The following NAALADL2 variants were observed in gnomAD, a reference collection of about 807,000 sequenced individuals.
NAALADL2 encodes the protein inactive N-acetylated-alpha-linked acidic dipeptidase-like protein 2.
NAALADL2 carries 76 observed loss-of-function variants against 87.2 expected under a neutral mutation model. That is an observed-to-expected ratio of 0.87 (90% CI 0.72 to 1.05). The LOEUF is 1.05. Ranked by LOEUF, NAALADL2 falls within the 50% of genes least tolerant of loss-of-function variation. The probability of loss-of-function intolerance (pLI) is 0.00; values close to 1 mark genes in which losing one functional copy is unlikely to be tolerated. For synonymous variants in NAALADL2, 354 were observed against 331.0 expected (o/e 1.07, Z -0.75); for missense variants, 1,089 against 945.8 (o/e 1.15, Z -1.99).
At chr3:174,927,737 A>G (rs2108395340) in intron 1 of NAALADL2, among the ~76,000 whole-genome samples, 1 of 152,334 alleles carries the variant, frequency 6.6e-6, no homozygotes, top group East Asian at 1.9e-4. Context: ...ATAGCACTAA[A>G]TGGCCACAAG....
intron 1 of NAALADL2, among the ~76,000 whole-genome samples, chr3:174,938,165 C>G (rs1737993923): frequency 6.6e-6 from 1 of 152,018 alleles, no homozygotes; most frequent in Non-Finnish European, 1.5e-5. Context: ...TTCTGCTCCT[C>G]TCCTTCCTCC....
chr3:174,943,457 G>A (rs945843499), intron 1 of NAALADL2, among the ~76,000 whole-genome samples: 1 of 152,172 alleles, frequency 6.6e-6, no homozygotes, highest in African/African-American at 2.4e-5. Context: ...GAAAGTGAGA[G>A]TTCCTCTCCC....
chr3:175,254,034 C>T (rs1018267927), intron 3 of NAALADL2, among the ~76,000 whole-genome samples: 5 of 152,176 alleles, frequency 3.3e-5, no homozygotes, highest in African/African-American at 9.6e-5. Flanking sequence ...TAGAATACTA[C>T]GTAAACTGAG....
At chr3:174,536,693 C>T (rs890485457) in intron 1 of NAALADL2, 1 of 152,092 alleles carries the variant, frequency 6.6e-6, no homozygotes, top group African/African-American at 2.4e-5. Context: ...GGTAAGCCCT[C>T]TATTGGTGAC....
intron 3 of NAALADL2, among the ~76,000 whole-genome samples, chr3:174,740,134 T>A (rs1733624782): frequency 6.6e-6 from 1 of 152,018 alleles, no homozygotes. Context: ...ACATAATGCA[T>A]GTGGGCAAGG....
chr3:175,353,983 G>T (rs2148885434), intron 5 of NAALADL2, among the ~76,000 whole-genome samples: 1 of 152,206 alleles, frequency 6.6e-6, no homozygotes, highest in African/African-American at 2.4e-5. Context: ...CTTATAAATT[G>T]TTTTCAGAAT....
At chr3:174,534,800 G>C (rs939707909) in intron 1 of NAALADL2, among the ~76,000 whole-genome samples, 9 of 152,124 alleles carry the variant, frequency 5.9e-5, no homozygotes, top group African/African-American at 2.2e-4. Flanking sequence ...CATGGAAGGT[G>C]AATCGGTCTT....
intron 2 of NAALADL2, among the ~76,000 whole-genome samples, chr3:175,145,319 T>G (rs1730588849): frequency 6.6e-6 from 1 of 152,078 alleles, no homozygotes; most frequent in African/African-American, 2.4e-5. Context: ...GTTGCTCTTC[T>G]TCTTCCAATT....
At chr3:175,772,008 A>G (rs1220067879) in intron 13 of NAALADL2, among the ~76,000 whole-genome samples, 1 of 152,138 alleles carries the variant, frequency 6.6e-6, no homozygotes, top group Non-Finnish European at 1.5e-5. Context: ...GTTACCCTCT[A>G]CTGGGTCCCT....
rs1405879493 is a variant in NAALADL2 at position 175,807,834 on chromosome 3, C to T, written c.*4631C>T. 1.3e-5 allele frequency: 2 copies of T among 151,782 alleles called. No individual in the cohort carries two copies. The highest frequency in any genetic ancestry group is 2.4e-5 in the African/African-American group (1 of 41,364). The allele number at this position is 151,782 out of a possible 1,614,324, so 9.4% of individuals were successfully genotyped here. ...TGCTATTCGAAAAGACCTTAAAAAC[C>T]CTCACAGAGTTCTAAACATCCCATT... On this transcript the variant is annotated 3_prime_UTR_variant, in exon 14 of 14. Transcript: ENST00000454872.
chr3:174,460,006 C>T (rs1293666332), intron 1 of NAALADL2, among the ~76,000 whole-genome samples: 1 of 152,044 alleles, frequency 6.6e-6, no homozygotes, highest in African/African-American at 2.4e-5. Flanking sequence ...AAAAAGCAAG[C>T]TAAACCCAAA....
chr3:174,764,035 C>T (rs540286646), intron 3 of NAALADL2, among the ~76,000 whole-genome samples: 1 of 152,234 alleles, frequency 6.6e-6, no homozygotes, highest in African/African-American at 2.4e-5. Context: ...GGTCAATCTG[C>T]TCTTTGTGAT....
intron 2 of NAALADL2, among the ~76,000 whole-genome samples, chr3:174,646,839 T>A (rs1723839420): frequency 1.3e-5 from 2 of 151,296 alleles, no homozygotes; most frequent in Admixed American, 1.3e-4. Context: ...AACATGACCT[T>A]ATTTTTTCTT....
intron 1 of NAALADL2, among the ~76,000 whole-genome samples, chr3:175,054,739 C>T (rs186529027): frequency 7.2e-4 from 109 of 152,242 alleles, no homozygotes; most frequent in African/African-American, 2.1e-3. Flanking sequence ...CCCCTTGAAG[C>T]GGTTCCTTCA....
At chr3:174,470,253 T>A (rs1716815715) in intron 1 of NAALADL2, among the ~76,000 whole-genome samples, 1 of 152,190 alleles carries the variant, frequency 6.6e-6, no homozygotes, top group Non-Finnish European at 1.5e-5. Flanking sequence ...TGATTAGTGA[T>A]ATGGAGCACT....
At chr3:175,028,669 G>A (rs1345678013) in intron 1 of NAALADL2, among the ~76,000 whole-genome samples, 2 of 151,714 alleles carry the variant, frequency 1.3e-5, no homozygotes, top group South Asian at 2.1e-4. Flanking sequence ...CCAAATCAAT[G>A]TTGATAATAT....
chr3:175,735,742 C>T (rs1003945913), intron 11 of NAALADL2, among the ~76,000 whole-genome samples: 1 of 152,158 alleles, frequency 6.6e-6, no homozygotes, highest in Admixed American at 6.5e-5. Flanking sequence ...CCTCCCATAA[C>T]ACATGGGAAT....
At chr3:175,567,479 T>C (rs1335837113) in intron 9 of NAALADL2, among the ~76,000 whole-genome samples, 1 of 152,130 alleles carries the variant, frequency 6.6e-6, no homozygotes. Flanking sequence ...AGAACATTTT[T>C]CTATACCCGA....
At chr3:175,279,156 G>A (rs886189788) in intron 4 of NAALADL2, among the ~76,000 whole-genome samples, 3 of 152,084 alleles carry the variant, frequency 2.0e-5, no homozygotes, top group Admixed American at 6.5e-5. Context: ...CAAGTAATGC[G>A]CCTGACAGTG....
Sources: allele counts gnomAD v4.1 joint callset (sites outside exome capture counted in the v4.1 genomes callset), GRCh38; gene constraint gnomAD v4.1.1; transcripts MANE v1.5; gene names NCBI Gene and HGNC (gene_info 2026-07-23, HGNC 2026-07-21).